Variants in TMEM178B observed in about 807,000 individuals in gnomAD.
The protein encoded by TMEM178B is transmembrane protein 178B.
Under a neutral mutation model 31.0 loss-of-function variants are expected in TMEM178B, and 5 were observed. The observed-to-expected ratio is 0.16, with a 90% CI of 0.08 to 0.34. The LOEUF (loss-of-function observed/expected upper bound fraction) is 0.34, where lower values mean the gene tolerates loss of function less well. Among genes scored for constraint, TMEM178B ranks in the 10% least tolerant of loss-of-function variants. The probability of loss-of-function intolerance (pLI) is 1.00; values close to 1 mark genes in which losing one functional copy is unlikely to be tolerated. For synonymous variants in TMEM178B, 164 were observed against 164.0 expected (o/e 1.00, Z 0.00); for missense variants, 275 against 400.3 (o/e 0.69, Z 2.67).
At chr7:141,197,827 T>C (rs776539341) in intron 1 of TMEM178B, among the ~76,000 whole-genome samples, 23 of 152,274 alleles carry the variant, frequency 1.5e-4, no homozygotes, top group Middle Eastern at 3.4e-3. Flanking sequence ...GAGATGGGGT[T>C]TCACCATGAT....
intron 1 of TMEM178B, among the ~76,000 whole-genome samples, chr7:141,080,513 G>A (rs572917605): frequency 6.6e-6 from 1 of 152,190 alleles, no homozygotes; most frequent in South Asian, 2.1e-4. Context: ...CCAGCTACTC[G>A]AGAGGCTGAG....
chr7:141,412,655 G>A (rs1310764883), intron 2 of TMEM178B, among the ~76,000 whole-genome samples: 1 of 152,240 alleles, frequency 6.6e-6, no homozygotes, highest in Non-Finnish European at 1.5e-5. Context: ...GGAAGGAAAA[G>A]AAAATGGCTT....
intron 1 of TMEM178B, among the ~76,000 whole-genome samples, chr7:141,196,149 G>GCACA (rs964386901): frequency 6.6e-6 from 1 of 151,120 alleles, no homozygotes; most frequent in African/African-American, 2.4e-5. Context: ...ACACACACAT[G>GCACA]CACACACACA....
intron 1 of TMEM178B, among the ~76,000 whole-genome samples, chr7:141,183,567 A>G (rs1408090222): frequency 6.6e-6 from 1 of 152,198 alleles, no homozygotes; most frequent in Non-Finnish European, 1.5e-5. Context: ...TAGTCACCAC[A>G]TAGTTCTTTA....
intron 2 of TMEM178B, among the ~76,000 whole-genome samples, chr7:141,345,498 G>A (rs1314853643): frequency 6.6e-6 from 1 of 152,124 alleles, no homozygotes; most frequent in East Asian, 1.9e-4. Context: ...AGTAAAGATG[G>A]CACCGTTGTA....
chr7:141,370,253 C>A (rs556484577), intron 2 of TMEM178B, among the ~76,000 whole-genome samples: 9 of 152,112 alleles, frequency 5.9e-5, no homozygotes, highest in African/African-American at 2.2e-4. Context: ...GTGAAGAGAC[C>A]CAGGAGAAGG....
chr7:141,090,140 A>G (rs1481289708), intron 1 of TMEM178B, among the ~76,000 whole-genome samples: 1 of 152,122 alleles, frequency 6.6e-6, no homozygotes, highest in Non-Finnish European at 1.5e-5. Flanking sequence ...TGTTCCTATC[A>G]TGAATATAAG....
chr7:141,274,083 C>T (rs1295067061), intron 2 of TMEM178B, among the ~76,000 whole-genome samples: 1 of 152,224 alleles, frequency 6.6e-6, no homozygotes, highest in Non-Finnish European at 1.5e-5. Flanking sequence ...CAGAACTCTG[C>T]TCAAATGTCA....
At chr7:141,155,245 T>C (rs1397749191) in intron 1 of TMEM178B, among the ~76,000 whole-genome samples, 1 of 152,132 alleles carries the variant, frequency 6.6e-6, no homozygotes, top group Non-Finnish European at 1.5e-5. Context: ...GAGATCACAT[T>C]AGGCACATGT....
At chr7:141,190,443 A>G (rs1256827000) in intron 1 of TMEM178B, among the ~76,000 whole-genome samples, 1 of 151,560 alleles carries the variant, frequency 6.6e-6, no homozygotes, top group African/African-American at 2.4e-5. Flanking sequence ...TCTCCCAAGT[A>G]GCTGGGACTA....
chr7:141,076,034 T>C (rs981252012), intron 1 of TMEM178B, among the ~76,000 whole-genome samples: 2 of 152,224 alleles, frequency 1.3e-5, no homozygotes, highest in Non-Finnish European at 2.9e-5. Context: ...TATAGCTTCT[T>C]TAGAATGACT....
chr7:141,314,102 A>G (rs1014716495), intron 2 of TMEM178B, among the ~76,000 whole-genome samples: 2 of 152,184 alleles, frequency 1.3e-5, no homozygotes, highest in Non-Finnish European at 2.9e-5. Flanking sequence ...CATCTCTTTC[A>G]TTTAGTTGCA....
intron 2 of TMEM178B, among the ~76,000 whole-genome samples, chr7:141,306,825 A>G (rs1294217850): frequency 1.3e-5 from 2 of 152,176 alleles, no homozygotes; most frequent in East Asian, 1.9e-4. Flanking sequence ...CCTTCAAGCC[A>G]TAAATAAACT....
chr7:141,142,638 A>T (rs1299041782), intron 1 of TMEM178B, among the ~76,000 whole-genome samples: 1 of 151,970 alleles, frequency 6.6e-6, no homozygotes, highest in East Asian at 1.9e-4. Context: ...CGATCTCCTG[A>T]CCTCATGATC....
intron 2 of TMEM178B, among the ~76,000 whole-genome samples, chr7:141,391,844 A>G (rs1800548343): frequency 6.6e-6 from 1 of 152,174 alleles, no homozygotes; most frequent in Non-Finnish European, 1.5e-5. Flanking sequence ...TCCATGTTGT[A>G]GCATGTGTGA....
At chr7:141,327,606 T>A (rs1799216054) in intron 2 of TMEM178B, among the ~76,000 whole-genome samples, 1 of 152,196 alleles carries the variant, frequency 6.6e-6, no homozygotes, top group Non-Finnish European at 1.5e-5. Context: ...ACAAGATGTA[T>A]GCTTGGTTTC....
chr7:141,183,715 C>T, intron 1 of TMEM178B, among the ~76,000 whole-genome samples: 1 of 152,194 alleles, frequency 6.6e-6, no homozygotes, highest in African/African-American at 2.4e-5. Flanking sequence ...CTCAACCCAG[C>T]ACCTTGTGTT....
At chr7:141,398,272 A>G (rs1484258438) in intron 2 of TMEM178B, among the ~76,000 whole-genome samples, 1 of 152,240 alleles carries the variant, frequency 6.6e-6, no homozygotes, top group African/African-American at 2.4e-5. Flanking sequence ...CTATATCTCC[A>G]TTTTGAAAAG....
chr7:141,139,071 G>A (rs760124606), intron 1 of TMEM178B, among the ~76,000 whole-genome samples: 1 of 152,086 alleles, frequency 6.6e-6, no homozygotes, highest in Non-Finnish European at 1.5e-5. Flanking sequence ...TTTCAGGAGG[G>A]TTTTTTCTCA....
Sources: allele counts gnomAD v4.1 joint callset (sites outside exome capture counted in the v4.1 genomes callset), GRCh38; gene constraint gnomAD v4.1.1; transcripts MANE v1.5; gene names NCBI Gene and HGNC (gene_info 2026-07-23, HGNC 2026-07-21).